FAT2: variants seen among roughly 807,000 people sequenced by gnomAD.
FAT2 encodes the protein FAT atypical cadherin 2, also known as protocadherin Fat 2.
A neutral mutation model predicts 295.3 loss-of-function variants in FAT2; 150 were observed. The ratio of observed to expected loss-of-function variants is 0.51; its 90% CI spans 0.44 to 0.58. The LOEUF is 0.58. Ranked by LOEUF, FAT2 falls within the 20% of genes least tolerant of loss-of-function variation. The probability of loss-of-function intolerance (pLI) is 0.00; values close to 1 mark genes in which losing one functional copy is unlikely to be tolerated. For missense variants in FAT2, 4,868 were observed against 5,442.7 expected, an observed-to-expected ratio of 0.89 and a Z score of 3.32; for synonymous variants, 2,026 against 2,150.3, an observed-to-expected ratio of 0.94 and a Z score of 1.60.
At position 151,531,869 on chromosome 5, in the gene FAT2, C is replaced by T. The variant is rs772722028; in HGVS notation, c.9529G>A (p.Val3177Ile). Residue 3177 changes from valine (V) to isoleucine (I), a missense_variant, in exon 14 of 24, where the codon GTC becomes ATC. This residue lies in a region of FAT2 where 1,046 missense variants were observed against 1,210.1 expected (regional missense o/e 0.86). Coordinates refer to ENST00000261800, the MANE Select transcript of FAT2 (RefSeq NM_001447.3). This position sits in a 1 kb window ranked among gnomAD's most constrained non-coding sequence, Gnocchi z 5.7. ...AGCTCCAGTGGTGCCTGGGGCCTGACCTGCAGCGGCTTTTCCAGGCGGATC... is the reference window on the plus strand; with the variant it reads ...AGCTCCAGTGGTGCCTGGGGCCTGATCTGCAGCGGCTTTTCCAGGCGGATC... ...GVIRLEKPLQVRPQAPLELTV... is the reference protein window; with the variant it reads ...GVIRLEKPLQIRPQAPLELTV... 3.1e-6 allele frequency: 5 copies of T among 1,614,012 alleles called. No homozygotes were observed. The highest frequency in any genetic ancestry group is 4.2e-6 in the Non-Finnish European group (5 of 1,180,026).
Position 151,505,532 on chromosome 5 carries a change from G to A in FAT2, c.*33C>T, listed in dbSNP as rs748359914. 2 of 1,612,782 alleles carry A rather than the reference G, an allele frequency of 1.2e-6. No homozygotes were observed. Among genetic ancestry groups the A allele is most frequent in the Middle Eastern group, 1.7e-4 (1 of 6,054 alleles). ...AGAAATAAGCCAAGTCCAGTCCTTG[G>A]CCTCCCGCCTGCCTTGCTCTGGGAA... On this transcript the variant is annotated 3_prime_UTR_variant, in exon 24 of 24. Coordinates refer to ENST00000261800, the MANE Select transcript of FAT2 (RefSeq NM_001447.3).
chr5:151,550,558 C>A (rs371424610), intron 8 of FAT2, 32 bp downstream of exon 8: 10 of 1,610,688 alleles, frequency 6.2e-6, no homozygotes, highest in Admixed American at 1.7e-5. Flanking sequence ...TACATGCAAA[C>A]GTATTCTCAC....
Position 151,544,631 on chromosome 5 carries a change from T to G in FAT2, c.6496A>C (p.Lys2166Gln). 6.2e-7 allele frequency: 1 copy of G among 1,614,178 alleles called. No individual in the cohort carries two copies. Among genetic ancestry groups the G allele is most frequent in the Non-Finnish European group, 8.5e-7 (1 of 1,180,044 alleles). ...EEEVLVTVRNKSNPLFQSPYY... is the reference protein window; with the variant it reads ...EEEVLVTVRNQSNPLFQSPYY... ...GGACTCTGAAACAGTGGGTTGGATT[T>G]ATTTCTCACAGTGACAAGTACCTCT... is the stretch of plus-strand genomic sequence containing the variant. The change falls in exon 10 of 24, where the codon AAA becomes CAA. Residue 2166 changes from lysine (K) to glutamine (Q), a missense_variant. By Grantham distance (53) the Lys-to-Gln change is moderately conservative (BLOSUM62 1). Around this residue, in one of 5 missense-constraint regions of FAT2, gnomAD observed 3,297 missense variants for 3,669.4 expected, o/e 0.90. Transcript: ENST00000261800.
Position 151,568,227 on chromosome 5 carries a change from C to G in FAT2, c.705G>C (p.Gly235=), listed in dbSNP as rs535540425. ...CCACAAGTGCAGCCAGGCTGCCAAA[C>G]CCATTGCCCTCAGAGATTTTCCGCA... ...DRMRKISEGN[G]FGSLAALVVH... is the part of the protein sequence containing the mutation. Residue 235 remains glycine, a synonymous_variant, in exon 2 of 24, where the codon GGG becomes GGC. Transcript: ENST00000261800. 12 of 1,613,976 alleles carry G rather than the reference C, an allele frequency of 7.4e-6. No individual in the cohort carries two copies. In the South Asian group the frequency reaches 1.3e-4, roughly 18 times the overall value.
Position 151,512,453 on chromosome 5 carries a change from T to C in FAT2, c.11617A>G (p.Asn3873Asp). 6.2e-7 allele frequency: 1 copy of C among 1,614,218 alleles called. No individual in the cohort carries two copies. The change falls in exon 21 of 24, where the codon AAC becomes GAC. Residue 3873 changes from asparagine to aspartate, a missense_variant. Around this residue, in one of 5 missense-constraint regions of FAT2, gnomAD observed 1,046 missense variants for 1,210.1 expected, o/e 0.86. Coordinates refer to ENST00000261800, the MANE Select transcript of FAT2 (RefSeq NM_001447.3). This position sits in a 1 kb window ranked among gnomAD's most constrained non-coding sequence, Gnocchi z 4.1. Reference protein sequence around the residue: ...SIRLMVDSMGNTSLVVPENCR... With the variant: ...SIRLMVDSMGDTSLVVPENCR... ...TTCTCTGGGACCACAAGGGAGGTGT[T>C]GCCCATGCTGTCAACCATCAGGCGA...
chr5:151,562,405 T>TAAG (rs1758057301), intron 3 of FAT2, among the ~76,000 whole-genome samples: 1 of 152,132 alleles, frequency 6.6e-6, no homozygotes, highest in South Asian at 2.1e-4. Flanking sequence ...GATGAGGCTT[T>TAAG]AAGAAGTGTC....
intron 17 of FAT2, among the ~76,000 whole-genome samples, chr5:151,526,512 A>G (rs889131732): frequency 3.3e-5 from 5 of 152,204 alleles, no homozygotes; most frequent in African/African-American, 1.2e-4. Flanking sequence ...CTATAACACA[A>G]TGGTTGCTAA....
intron 20 of FAT2, among the ~76,000 whole-genome samples, chr5:151,516,931 C>T (rs1292361343): frequency 6.6e-6 from 1 of 151,964 alleles, no homozygotes; most frequent in Non-Finnish European, 1.5e-5. Flanking sequence ...CATGGCAAAA[C>T]CCCATCTCTA....
intron 1 of FAT2, among the ~76,000 whole-genome samples, chr5:151,569,402 A>G (rs1758435811): frequency 6.6e-6 from 1 of 152,136 alleles, no homozygotes; most frequent in Admixed American, 6.5e-5. Flanking sequence ...ATTCACTATC[A>G]CGAGAACAGC....
Position 151,566,236 on chromosome 5 carries a change from G to T in FAT2, c.2696C>A (p.Pro899His), listed in dbSNP as rs147472960. 43 of 1,613,958 alleles carry T rather than the reference G, an allele frequency of 2.7e-5. No homozygotes were observed. The African/African-American group carries it at 5.3e-4, about 20-fold the overall frequency. Reference sequence around the variant, plus strand: ...AGAGAAGAGCTGGTGGCCTTTGCTGGGCTGATCCCTGGCCTCCACCTTGAG... The same window carrying T: ...AGAGAAGAGCTGGTGGCCTTTGCTGTGCTGATCCCTGGCCTCCACCTTGAG... ...YILKVEARDQ[P>H]SKGHQLFSVT... is the part of the protein sequence containing the mutation. The change falls in exon 2 of 24, where the codon CCC becomes CAC. Residue 899 changes from proline (P) to histidine (H), a missense_variant. Coordinates refer to ENST00000261800, the MANE Select transcript of FAT2 (RefSeq NM_001447.3).
At chr5:151,520,896 C>T (rs1753382542) in intron 19 of FAT2, among the ~76,000 whole-genome samples, 1 of 152,216 alleles carries the variant, frequency 6.6e-6, no homozygotes, top group African/African-American at 2.4e-5. Flanking sequence ...ATACATAGTA[C>T]TGATGTAATT....
chr5:151,551,082 T>C (rs1757153529), intron 7 of FAT2, among the ~76,000 whole-genome samples: 1 of 152,208 alleles, frequency 6.6e-6, no homozygotes, highest in South Asian at 2.1e-4. Flanking sequence ...ACAAAAATTT[T>C]CTGGAAGGGC....
chr5:151,559,645 C>CTGTG (rs1390842430), intron 3 of FAT2, among the ~76,000 whole-genome samples: 176 of 148,606 alleles, frequency 1.2e-3, no homozygotes, highest in African/African-American at 4.4e-3. Flanking sequence ...CAGCCTCTCT[C>CTGTG]TCTGTGTGTG....
At chr5:151,576,687 GAATGAA>G (rs1758760247) in intron 1 of FAT2, among the ~76,000 whole-genome samples, 1 of 152,178 alleles carries the variant, frequency 6.6e-6, no homozygotes, top group Non-Finnish European at 1.5e-5. Flanking sequence ...ATTTGAACCA[GAATGAA>G]AACTGTAAGT....
intron 18 of FAT2, among the ~76,000 whole-genome samples, chr5:151,522,556 T>TTCTAGTCAG: frequency 6.6e-6 from 1 of 152,340 alleles, no homozygotes; most frequent in Admixed American, 6.5e-5. Flanking sequence ...GGATTTGTCC[T>TTCTAGTCAG]TCTAGTCAGT....
intron 20 of FAT2, among the ~76,000 whole-genome samples, chr5:151,516,840 T>G (rs562780009): frequency 6.6e-6 from 1 of 152,306 alleles, no homozygotes; most frequent in African/African-American, 2.4e-5. Context: ...GGGCAGTGGT[T>G]CATGCCTGTA....
chr5:151,538,299 C>T (rs910820112), intron 11 of FAT2, among the ~76,000 whole-genome samples: 1 of 152,238 alleles, frequency 6.6e-6, no homozygotes, highest in Non-Finnish European at 1.5e-5. Flanking sequence ...CCACCCAGTC[C>T]TTTGAGGCTT....
chr5:151,514,896 A>G lies in FAT2; in HGVS notation c.11464-2290T>C, dbSNP rs182225219. Among the ~76,000 whole-genome samples, 64 of 152,300 alleles carry G rather than the reference A, an allele frequency of 4.2e-4. No individual in the cohort carries two copies. The East Asian group carries it at 8.3e-3, about 20-fold the overall frequency. On this transcript the variant is annotated intron_variant, in intron 20 of 23. Coordinates refer to ENST00000261800, the MANE Select transcript of FAT2 (RefSeq NM_001447.3). The stretch of plus-strand genomic sequence containing the variant: ...CTTACATCTTTGTTCGTTCACCACT[A>G]TATCATTCCACAGCATACACACATG...
intron 11 of FAT2, among the ~76,000 whole-genome samples, chr5:151,538,627 T>C (rs1357478126): frequency 6.6e-6 from 1 of 152,164 alleles, no homozygotes; most frequent in East Asian, 1.9e-4. Context: ...CACTGTTGAG[T>C]GTGGGCAAGC....
Sources: allele counts gnomAD v4.1 joint callset (sites outside exome capture counted in the v4.1 genomes callset), GRCh38; gene constraint gnomAD v4.1.1; regional missense constraint gnomAD v4.1.1; non-coding constraint Gnocchi (gnomAD v3.1); transcripts MANE v1.5; gene names NCBI Gene and HGNC (gene_info 2026-07-23, HGNC 2026-07-21).